The following GPHN variants were observed in gnomAD, a reference collection of about 807,000 sequenced individuals.
The protein encoded by GPHN is gephyrin.
GPHN carries 17 observed loss-of-function variants against 95.5 expected under a neutral mutation model. The ratio of observed to expected loss-of-function variants is 0.18; its 90% CI spans 0.12 to 0.27. The LOEUF (loss-of-function observed/expected upper bound fraction) is 0.27, where lower values mean the gene tolerates loss of function less well. GPHN is among the 10% of genes least tolerant of loss of function. The probability of loss-of-function intolerance (pLI) is 1.00; values close to 1 mark genes in which losing one functional copy is unlikely to be tolerated. For missense variants in GPHN, 660 were observed against 978.1 expected, an observed-to-expected ratio of 0.67 and a Z score of 4.34; for synonymous variants, 320 against 322.5, an observed-to-expected ratio of 0.99 and a Z score of 0.08.
the GPHN span, chr14:67,359,633 C>T: frequency 3.1e-6 from 5 of 1,613,540 alleles, no homozygotes; most frequent in South Asian, 3.3e-5. Flanking sequence ...CCTGTGAAAG[C>T]GGCTTATCCC....
intron 5 of GPHN, among the ~76,000 whole-genome samples, chr14:66,880,442 A>G (rs2063877114): frequency 6.6e-6 from 1 of 151,778 alleles, no homozygotes; most frequent in Non-Finnish European, 1.5e-5. Flanking sequence ...TCAATTCCTA[A>G]CCCAGAGAAT....
At chr14:66,602,186 T>C (rs1333900731) in intron 1 of GPHN, among the ~76,000 whole-genome samples, 1 of 152,010 alleles carries the variant, frequency 6.6e-6, no homozygotes, top group Non-Finnish European at 1.5e-5. Context: ...TCTATGTAAA[T>C]ATTGTAGATT....
the GPHN span, among the ~76,000 whole-genome samples, chr14:67,219,231 A>G: frequency 6.6e-6 from 1 of 152,150 alleles, no homozygotes; most frequent in Admixed American, 6.5e-5. Flanking sequence ...TAAGGACTGT[A>G]GGTGTTTTTG....
At chr14:66,760,704 C>A in intron 2 of GPHN, 1 of 449,954 alleles carries the variant, frequency 2.2e-6, no homozygotes, top group Non-Finnish European at 4.2e-6. Context: ...TTCCATAAAG[C>A]AGCTGGCAAA....
At chr14:67,434,873 ACT>A in the GPHN span, among the ~76,000 whole-genome samples, 9 of 151,116 alleles carry the variant, frequency 6.0e-5, no homozygotes, top group East Asian at 1.7e-3. Context: ...GCTGGTGGGA[ACT>A]CTCTGCAGAG....
chr14:67,313,234 G>A, the GPHN span, among the ~76,000 whole-genome samples: 4 of 152,270 alleles, frequency 2.6e-5, no homozygotes, highest in Non-Finnish European at 5.9e-5. Context: ...TTATTAAGGG[G>A]ACATGTTTCT....
rs1567400854 is a variant in GPHN, at chr14:67,144,266, T to TAC, written c.1836+818_1836+819insCA. On this transcript the variant is annotated intron_variant, in intron 18 of 22. Coordinates refer to ENST00000478722, the MANE Select transcript of GPHN (RefSeq NM_020806.5). Reference sequence around the variant, plus strand: ...AAAAAAAAAAATATATATATATATATATATATATATATATATATATACACA... The same window carrying TAC: ...AAAAAAAAAAATATATATATATATATACATATATATATATATATATATACACA... Among the ~76,000 whole-genome samples, 54 of 102,314 alleles carry TAC rather than the reference T, an allele frequency of 5.3e-4. 7 individuals are homozygous for TAC. The highest frequency in any genetic ancestry group is 2.5e-3 in the East Asian group (9 of 3,622). The allele number at this position is 102,314 out of a possible 152,430, so 67.1% of individuals were successfully genotyped here. A position where few individuals can be genotyped will look rare whatever the true frequency, so the allele number is the denominator to read the frequency against.
At chr14:67,309,641 TG>T in the GPHN span, among the ~76,000 whole-genome samples, 4 of 152,296 alleles carry the variant, frequency 2.6e-5, no homozygotes, top group South Asian at 8.3e-4. Flanking sequence ...TGTTGGCCTA[TG>T]GCAATGGTCA....
the GPHN span, among the ~76,000 whole-genome samples, chr14:67,242,197 ACT>A: frequency 2.6e-5 from 4 of 152,194 alleles, no homozygotes; most frequent in Non-Finnish European, 5.9e-5. Flanking sequence ...AATGATCATA[ACT>A]CACCTTCTGT....
chr14:67,318,714 T>C, the GPHN span, among the ~76,000 whole-genome samples: 1 of 152,162 alleles, frequency 6.6e-6, no homozygotes, highest in Admixed American at 6.5e-5. Context: ...GCAGTAACTA[T>C]ATGATGTTGT....
intron 4 of GPHN, among the ~76,000 whole-genome samples, chr14:66,877,306 A>T (rs2063714781): frequency 6.6e-6 from 1 of 152,242 alleles, no homozygotes; most frequent in South Asian, 2.1e-4. Flanking sequence ...AGCTGGAAGC[A>T]TTCTCTTTGA....
intron 16 of GPHN, among the ~76,000 whole-genome samples, chr14:67,118,559 C>G (rs542714636): frequency 2.6e-5 from 4 of 152,132 alleles, no homozygotes; most frequent in African/African-American, 9.6e-5. Flanking sequence ...AACCCCTACT[C>G]TACTAAAAAT....
chr14:66,674,413 A>T (rs771098814), intron 1 of GPHN, among the ~76,000 whole-genome samples: 28 of 151,282 alleles, frequency 1.9e-4, no homozygotes, highest in Non-Finnish European at 3.5e-4. Context: ...CCTATTATCT[A>T]CCTTTAAGTT....
chr14:67,609,603 C>T, the GPHN span, among the ~76,000 whole-genome samples: 2 of 152,108 alleles, frequency 1.3e-5, no homozygotes, highest in East Asian at 3.9e-4. Context: ...CACATGGTTG[C>T]TTCTCCTGGC....
the GPHN span, among the ~76,000 whole-genome samples, chr14:67,300,614 C>T: frequency 7.5e-4 from 114 of 152,194 alleles, no homozygotes; most frequent in Non-Finnish European, 1.3e-3. Context: ...TGGTGTGAGC[C>T]ATTGTATCTG....
At chr14:67,330,138 AAATAAT>A in the GPHN span, among the ~76,000 whole-genome samples, 295 of 146,482 alleles carry the variant, frequency 2.0e-3, 2 homozygotes, top group African/African-American at 7.1e-3. Context: ...ACCAGGAAAT[AAATAAT>A]AATAATAATA....
chr14:67,709,432 A>G, the GPHN span, among the ~76,000 whole-genome samples: 3 of 152,230 alleles, frequency 2.0e-5, no homozygotes, highest in Admixed American at 6.5e-5. Context: ...AGCCTTTCAT[A>G]ACCTTTATAA....
chr14:66,691,480 A>G (rs7149820), intron 2 of GPHN, among the ~76,000 whole-genome samples: 49,845 of 151,884 alleles, frequency 0.33, 12,010 homozygotes, highest in African/African-American at 0.66. Context: ...ACTGCACCTG[A>G]CCCATGAACA....
the GPHN span, among the ~76,000 whole-genome samples, chr14:67,411,414 T>A: frequency 6.6e-6 from 1 of 152,082 alleles, no homozygotes; most frequent in Non-Finnish European, 1.5e-5. Flanking sequence ...TAGAGTGATG[T>A]CAGTACCCAC....
Sources: allele counts gnomAD v4.1 joint callset (sites outside exome capture counted in the v4.1 genomes callset), GRCh38; gene constraint gnomAD v4.1.1; transcripts MANE v1.5; gene names NCBI Gene and HGNC (gene_info 2026-07-23, HGNC 2026-07-21).